UNC13C: variants seen among roughly 807,000 people sequenced by gnomAD.
UNC13C encodes the protein unc-13 homolog C.
Under a neutral mutation model 245.4 loss-of-function variants are expected in UNC13C, and 174 were observed. That is an observed-to-expected ratio of 0.71 (90% CI 0.63 to 0.80). The LOEUF (loss-of-function observed/expected upper bound fraction) is 0.80. Ranked by LOEUF, UNC13C falls within the 30% of genes least tolerant of loss-of-function variation. The probability of loss-of-function intolerance (pLI) is 0.00; values close to 1 mark genes in which losing one functional copy is unlikely to be tolerated. For missense variants in UNC13C, 2,829 were observed against 2,602.9 expected, an observed-to-expected ratio of 1.09 and a Z score of -1.89; for synonymous variants, 992 against 895.1, an observed-to-expected ratio of 1.11 and a Z score of -1.93.
In UNC13C at chr15:54,627,260, A is replaced by T; in HGVS notation, c.*147A>T. The T allele has an allele frequency of 1.3e-6, 1 of 782,092 alleles. No homozygotes were observed. The highest frequency in any genetic ancestry group is 1.9e-6 in the Non-Finnish European group (1 of 532,470). The allele number at this position is 782,092 out of a possible 1,614,324, so 48.4% of individuals were successfully genotyped here. On this transcript the variant is annotated 3_prime_UTR_variant, in exon 33 of 33. Coordinates refer to ENST00000260323, the MANE Select transcript of UNC13C (RefSeq NM_001080534.3). ...ACAAGGTATGTAAAAAACCTGCTGA[A>T]CTTTTATACCAATTCTGGTCTTTGG...
intron 19 of UNC13C, among the ~76,000 whole-genome samples, chr15:54,471,006 T>C: frequency 6.6e-6 from 1 of 151,492 alleles, no homozygotes; most frequent in East Asian, 1.9e-4. Context: ...TCCATATATT[T>C]GTTAATTTTA....
chr15:54,425,820 TTA>T (rs2040747957), intron 19 of UNC13C, among the ~76,000 whole-genome samples: 1 of 151,880 alleles, frequency 6.6e-6, no homozygotes, highest in Admixed American at 6.6e-5. Context: ...ATATATCATC[TTA>T]GAGAATTTTG....
intron 18 of UNC13C, among the ~76,000 whole-genome samples, chr15:54,414,298 C>A (rs958491708): frequency 6.6e-6 from 1 of 152,090 alleles, no homozygotes; most frequent in African/African-American, 2.4e-5. Flanking sequence ...TTTTTAGTGT[C>A]ATATGGTGTT....
chr15:54,484,537 A>C (rs1457950448), intron 19 of UNC13C, among the ~76,000 whole-genome samples: 1 of 152,102 alleles, frequency 6.6e-6, no homozygotes, highest in Non-Finnish European at 1.5e-5. Context: ...GTAAATAACT[A>C]TTCCTGCCAA....
intron 4 of UNC13C, among the ~76,000 whole-genome samples, chr15:54,224,698 T>C (rs965672974): frequency 6.6e-6 from 1 of 152,154 alleles, no homozygotes; most frequent in African/African-American, 2.4e-5. Context: ...ACATTATTTC[T>C]CAGAGTAGTT....
intron 4 of UNC13C, among the ~76,000 whole-genome samples, chr15:54,184,721 T>C (rs1249529235): frequency 6.6e-6 from 1 of 152,236 alleles, no homozygotes; most frequent in Non-Finnish European, 1.5e-5. Context: ...AGTGCCGCAA[T>C]AAACATACAT....
chr15:54,040,430 C>G (rs1343602447), intron 2 of UNC13C, among the ~76,000 whole-genome samples: 4 of 152,104 alleles, frequency 2.6e-5, no homozygotes, highest in African/African-American at 9.7e-5. Context: ...AGGCCCCACC[C>G]CAGACCTACT....
intron 17 of UNC13C, among the ~76,000 whole-genome samples, chr15:54,382,752 G>T (rs190748981): frequency 6.6e-6 from 1 of 152,018 alleles, no homozygotes; most frequent in African/African-American, 2.4e-5. Context: ...AGAAACCAAT[G>T]CAAAAGTTGG....
intron 17 of UNC13C, among the ~76,000 whole-genome samples, chr15:54,386,789 T>C (rs976338340): frequency 2.0e-5 from 3 of 152,204 alleles, no homozygotes; most frequent in Non-Finnish European, 4.4e-5. Flanking sequence ...TTGCTGCTTT[T>C]GGAAGTAGTG....
chr15:54,045,706 G>A (rs752683843), intron 2 of UNC13C, among the ~76,000 whole-genome samples: 29 of 152,178 alleles, frequency 1.9e-4, no homozygotes, highest in Admixed American at 4.6e-4. Context: ...TGAACAAAGA[G>A]TAAGTTATTT....
At chr15:54,376,766 A>G (rs1261656819) in intron 17 of UNC13C, among the ~76,000 whole-genome samples, 2 of 152,342 alleles carry the variant, frequency 1.3e-5, no homozygotes, top group South Asian at 4.1e-4. Flanking sequence ...TGAAAACCAC[A>G]TGAAACATAT....
chr15:54,514,169 C>G (rs1030809264), intron 24 of UNC13C, among the ~76,000 whole-genome samples: 1 of 152,166 alleles, frequency 6.6e-6, no homozygotes, highest in Non-Finnish European at 1.5e-5. Flanking sequence ...GTTTCCTTAA[C>G]TTGGGGCTTT....
the UNC13C span, among the ~76,000 whole-genome samples, chr15:53,901,548 G>A: frequency 6.6e-6 from 1 of 152,058 alleles, no homozygotes; most frequent in African/African-American, 2.4e-5. Flanking sequence ...TTACTTGGAT[G>A]TGCCATAATT....
chr15:54,162,111 A>G (rs1363669370), intron 4 of UNC13C, among the ~76,000 whole-genome samples: 1 of 152,146 alleles, frequency 6.6e-6, no homozygotes, highest in Non-Finnish European at 1.5e-5. Context: ...TATTGTTGTT[A>G]CTCATAAATT....
chr15:54,356,345 G>A (rs1511795), intron 17 of UNC13C, among the ~76,000 whole-genome samples: 103,413 of 151,934 alleles, frequency 0.68, 35,508 homozygotes, highest in East Asian at 0.9. Context: ...CAGTCCCTCC[G>A]GCAATCTCTA....
intron 19 of UNC13C, among the ~76,000 whole-genome samples, chr15:54,446,907 G>A (rs909344262): frequency 6.6e-6 from 1 of 152,148 alleles, no homozygotes; most frequent in African/African-American, 2.4e-5. Context: ...TGCCCATTCA[G>A]TATGATATTG....
chr15:54,260,794 G>T (rs887948103), intron 8 of UNC13C, among the ~76,000 whole-genome samples: 2 of 148,986 alleles, frequency 1.3e-5, no homozygotes, highest in Admixed American at 6.7e-5. Flanking sequence ...TCTATTTTTA[G>T]ATTATATCTA....
At chr15:54,626,724 TAATC>T (rs1901184354) in intron 32 of UNC13C, 100 bp from the exon 33 acceptor site, 3 of 1,039,984 alleles carry the variant, frequency 2.9e-6, no homozygotes, top group Non-Finnish European at 4.1e-6. Context: ...GCCAACATAA[TAATC>T]AGATCCAATG....
chr15:53,999,354 A>G (rs1046689722), intron 1 of UNC13C, among the ~76,000 whole-genome samples: 5 of 151,832 alleles, frequency 3.3e-5, no homozygotes, highest in African/African-American at 9.7e-5. Flanking sequence ...CTTAGTTTTT[A>G]TAATATGTGG....
Sources: allele counts gnomAD v4.1 joint callset (sites outside exome capture counted in the v4.1 genomes callset), GRCh38; gene constraint gnomAD v4.1.1; transcripts MANE v1.5; gene names NCBI Gene and HGNC (gene_info 2026-07-23, HGNC 2026-07-21).